The following IGF1R variants were observed in gnomAD, a reference collection of about 807,000 sequenced individuals.
IGF1R encodes the protein insulin-like growth factor 1 receptor.
IGF1R carries 44 observed loss-of-function variants against 144.6 expected under a neutral mutation model. That is an observed-to-expected ratio of 0.30 (90% CI 0.24 to 0.39). IGF1R has a LOEUF of 0.39. IGF1R is among the 10% of genes least tolerant of loss of function. The probability of loss-of-function intolerance (pLI) is 1.00; values close to 1 mark genes in which losing one functional copy is unlikely to be tolerated. For missense variants in IGF1R, 1,355 were observed against 1,833.7 expected (o/e 0.74, Z 4.77); for synonymous variants, 795 against 722.8 (o/e 1.10, Z -1.60).
chr15:98,827,980 ATCAG>A (rs1329466511), intron 2 of IGF1R, among the ~76,000 whole-genome samples: 1 of 152,196 alleles, frequency 6.6e-6, no homozygotes, highest in Non-Finnish European at 1.5e-5. Context: ...AAGCTGATTA[ATCAG>A]TCAGATAGTG....
chr15:98,961,268 C>G lies in IGF1R; in HGVS notation c.*3826C>G, dbSNP rs1272950619. The G allele has an allele frequency of 4.3e-6, 1 of 233,550 alleles. No individual in the cohort carries two copies. The allele number at this position is 233,550 out of a possible 1,614,324, so 14.5% of individuals were successfully genotyped here. A position where few individuals can be genotyped will look rare whatever the true frequency, so the allele number is the denominator to read the frequency against. ...CACAACTGGATTTCTACAGATCATT[C>G]AGCTGGTTATAAGGGTTTTGTTTAA... On this transcript the variant is annotated 3_prime_UTR_variant, in exon 21 of 21. Transcript: ENST00000650285.
rs2017064937 is a variant in IGF1R, at chr15:98,957,748, C to G, written c.*306C>G. 2.2e-6 allele frequency: 1 copy of G among 463,496 alleles called. No individual in the cohort carries two copies. The highest frequency in any genetic ancestry group is 3.9e-6 in the Non-Finnish European group (1 of 257,274). 28.7% of individuals were successfully genotyped at this position (463,496 alleles called of 1,614,324 possible). Reference sequence around the variant, plus strand: ...GAGAACCAGTCTCCTCACTCTGTCCCTGTCCTTCCCTGTTCTCCCTTTCTC... The same window carrying G: ...GAGAACCAGTCTCCTCACTCTGTCCGTGTCCTTCCCTGTTCTCCCTTTCTC... On this transcript the variant is annotated 3_prime_UTR_variant, in exon 21 of 21. Coordinates refer to ENST00000650285, the MANE Select transcript of IGF1R (RefSeq NM_000875.5).
intron 1 of IGF1R, among the ~76,000 whole-genome samples, chr15:98,691,566 G>C (rs1274549490): frequency 6.6e-6 from 1 of 152,040 alleles, no homozygotes; most frequent in African/African-American, 2.4e-5. Context: ...GTTTCACCAG[G>C]TTGGGCAGGC....
At chr15:98,711,631 C>T (rs747555099) in intron 2 of IGF1R, among the ~76,000 whole-genome samples, 2 of 150,496 alleles carry the variant, frequency 1.3e-5, no homozygotes, top group Non-Finnish European at 2.9e-5. Flanking sequence ...TTGTGTGGCA[C>T]CCCCTGACAT....
At chr15:98,857,046 T>C (rs1413339461) in intron 2 of IGF1R, among the ~76,000 whole-genome samples, 1 of 152,124 alleles carries the variant, frequency 6.6e-6, no homozygotes, top group Non-Finnish European at 1.5e-5. Flanking sequence ...AAAGATATTC[T>C]ACAATCGAAT....
At chr15:98,948,781 G>T in intron 20 of IGF1R, 73 bp downstream of exon 20, 4 of 1,528,102 alleles carry the variant, frequency 2.6e-6, no homozygotes, top group Non-Finnish European at 3.6e-6. Context: ...GGTCACAGGA[G>T]ATTAGGAGAT....
At position 98,780,569 on chromosome 15, in the gene IGF1R, AAAAAAAGAG is replaced by A. The variant is rs1232357468; in HGVS notation, c.640+72464_640+72472del. On this transcript the variant is annotated intron_variant, in intron 2 of 20. Transcript: ENST00000650285. Reference sequence around the variant, plus strand: ...TGTCTCAAAAAAAAAAAAAAAAAAAAAAAAAAGAGAGAGAGAGTAAATAAAATTGTAAGG... The same window carrying A: ...TGTCTCAAAAAAAAAAAAAAAAAAAAAGAGAGAGTAAATAAAATTGTAAGG... Among the ~76,000 whole-genome samples, 10 of 31,232 alleles carry A rather than the reference AAAAAAAGAG, an allele frequency of 3.2e-4. No individual in the cohort carries two copies. The East Asian group carries it at 3.2e-3, about 10-fold the overall frequency. 20.5% of individuals were successfully genotyped at this position (31,232 alleles called of 152,430 possible).
chr15:98,878,100 T>A (rs2013154837), intron 2 of IGF1R, among the ~76,000 whole-genome samples: 1 of 152,242 alleles, frequency 6.6e-6, no homozygotes, highest in Non-Finnish European at 1.5e-5. Context: ...ATTGATACCT[T>A]GGTCAACACC....
intron 3 of IGF1R, 67 bp from the exon 4 acceptor site, chr15:98,896,690 G>T (rs2014213765): frequency 2.0e-6 from 3 of 1,496,064 alleles, no homozygotes; most frequent in African/African-American, 2.8e-5. Context: ...TATCCTTATG[G>T]TTTTTTTAAT....
At chr15:98,750,447 C>G (rs971718227) in intron 2 of IGF1R, among the ~76,000 whole-genome samples, 2 of 152,206 alleles carry the variant, frequency 1.3e-5, no homozygotes, top group Admixed American at 1.3e-4. Context: ...TGTCCAAGAG[C>G]AGAGTTGGAG....
rs75477835 is a variant in IGF1R at position 98,933,133 on chromosome 15, G to A, written c.2957-1691G>A. Reference sequence around the variant, plus strand: ...GTGGTAGAGCCTGGTGGCAGGTCCCGTCAGGCAAGGACATTAGCACACAGC... The same window carrying A: ...GTGGTAGAGCCTGGTGGCAGGTCCCATCAGGCAAGGACATTAGCACACAGC... On this transcript the variant is annotated intron_variant, in intron 15 of 20. Coordinates refer to ENST00000650285, the MANE Select transcript of IGF1R (RefSeq NM_000875.5). Among the ~76,000 whole-genome samples the A allele has an allele frequency of 2.0e-3, 312 of 152,300 alleles. 3 individuals are homozygous for A. Among genetic ancestry groups the A allele is most frequent in the African/African-American group, 6.0e-3 (251 of 41,566 alleles).
At chr15:98,911,955 A>G (rs774689073) in intron 7 of IGF1R, among the ~76,000 whole-genome samples, 4 of 152,132 alleles carry the variant, frequency 2.6e-5, no homozygotes, top group Non-Finnish European at 4.4e-5. Flanking sequence ...AGAAAAGTGG[A>G]GAGAGAACAA....
intron 11 of IGF1R, 30 bp from the exon 12 acceptor site, chr15:98,923,846 C>A: frequency 6.2e-7 from 1 of 1,610,584 alleles, no homozygotes; most frequent in East Asian, 2.2e-5. Context: ...GAACCCAAAT[C>A]CAACTTTGTC....
Position 98,704,065 on chromosome 15 carries a change from G to A in IGF1R, c.95-3497G>A, listed in dbSNP as rs111793901. Among the ~76,000 whole-genome samples, 117,462 of 151,914 alleles carry A rather than the reference G, an allele frequency of 0.77. 45,699 individuals carry two copies. Among genetic ancestry groups the A allele is most frequent in the Middle Eastern group, 0.84 (246 of 294 alleles). ...CACAGTTAATTTAGTGTCCCCAGGGGAAAAAAGACCCTCCCGGCCCCCTTC... is the reference window on the plus strand; with the variant it reads ...CACAGTTAATTTAGTGTCCCCAGGGAAAAAAAGACCCTCCCGGCCCCCTTC... On this transcript the variant is annotated intron_variant, in intron 1 of 20. Coordinates refer to ENST00000650285, the MANE Select transcript of IGF1R (RefSeq NM_000875.5). The surrounding 1 kb of genome is among the most constrained non-coding windows in gnomAD (Gnocchi z 4.9).
In IGF1R at chr15:98,880,376, T is replaced by A. The variant is rs145565584; in HGVS notation, c.641-10949T>A. On this transcript the variant is annotated intron_variant, in intron 2 of 20. Transcript: ENST00000650285. ...TCTTGCTTGCCCTTTTTGTGGTGTT[T>A]GCTTGTTTTTCTTTTTTCTCAATAC... 4.1e-3 allele frequency among the ~76,000 whole-genome samples: 628 copies of A among 152,328 alleles called. 3 individuals are homozygous for A. The highest frequency in any genetic ancestry group is 0.015 in the African/African-American group (604 of 41,572).
intron 2 of IGF1R, among the ~76,000 whole-genome samples, chr15:98,755,113 G>C (rs770399760): frequency 3.9e-5 from 6 of 152,196 alleles, no homozygotes; most frequent in Non-Finnish European, 7.4e-5. Context: ...CTTTAGGAAA[G>C]ATATATGCAT....
intron 2 of IGF1R, among the ~76,000 whole-genome samples, chr15:98,842,422 C>A (rs1160559042): frequency 6.6e-6 from 1 of 152,128 alleles, no homozygotes; most frequent in East Asian, 1.9e-4. Context: ...TTTATAAAAA[C>A]AAAGTTTTGA....
chr15:98,882,889 T>C (rs547013137), intron 2 of IGF1R, among the ~76,000 whole-genome samples: 1 of 152,284 alleles, frequency 6.6e-6, no homozygotes, highest in Admixed American at 6.5e-5. Context: ...TTCAGAAAGG[T>C]GTGGTCCAGC....
At chr15:98,728,242 C>T (rs1017090129) in intron 2 of IGF1R, among the ~76,000 whole-genome samples, 6 of 152,230 alleles carry the variant, frequency 3.9e-5, no homozygotes, top group South Asian at 2.1e-4. Flanking sequence ...GGAGAAATCA[C>T]GCCTGTTGTT....
Sources: gnomAD v4.1 joint callset for allele counts (sites outside exome capture counted in the v4.1 genomes callset) on GRCh38, gnomAD v4.1.1 for gene constraint, Gnocchi (gnomAD v3.1) non-coding constraint, MANE v1.5 for transcripts, NCBI Gene and HGNC (gene_info 2026-07-23, HGNC 2026-07-21) for gene names.